LTBP3: variants seen among roughly 807,000 people sequenced by gnomAD.
LTBP3 encodes latent transforming growth factor beta binding protein 3.
Under a neutral mutation model 159.7 loss-of-function variants are expected in LTBP3, and 97 were observed. That is an observed-to-expected ratio of 0.61 (90% CI 0.52 to 0.72). LTBP3 has a LOEUF of 0.72. Ranked by LOEUF, LTBP3 falls within the 30% of genes least tolerant of loss-of-function variation. LTBP3 has a pLI of 0.00. For missense variants in LTBP3, 1,584 were observed against 1,864.3 expected, an observed-to-expected ratio of 0.85 and a Z score of 2.77; for synonymous variants, 824 against 777.1, an observed-to-expected ratio of 1.06 and a Z score of -1.00.
chr11:65,547,579 G>C lies in LTBP3; in HGVS notation c.1979-12C>G, dbSNP rs200555150. ...GCATTCGTTCAGGTCTGTGCGGGAG[G>C]AAGGGGCCACGAAGGGGGTGTAGGA... On this transcript the variant is annotated splice_polypyrimidine_tract_variant and intron_variant, in intron 13 of 27. Coordinates refer to ENST00000301873, the MANE Select transcript of LTBP3 (RefSeq NM_001130144.3). The surrounding 1 kb of genome is among the most constrained non-coding windows in gnomAD (Gnocchi z 4.6). 162 of 1,613,404 alleles carry C rather than the reference G, an allele frequency of 1.0e-4. No homozygotes were observed. Among genetic ancestry groups the C allele is most frequent in the Non-Finnish European group, 1.3e-4 (154 of 1,179,554 alleles).
At chr11:65,556,140 T>C (rs2135164267) in intron 1 of LTBP3, among the ~76,000 whole-genome samples, 1 of 152,240 alleles carries the variant, frequency 6.6e-6, no homozygotes, top group Non-Finnish European at 1.5e-5. Context: ...CCAGGGAGCC[T>C]GGGAGATGGA....
rs766361505 is a variant in LTBP3, at chr11:65,552,808, T to G, written c.1186+52A>C. On this transcript the variant is annotated intron_variant, in intron 6 of 27. Transcript: ENST00000301873. The surrounding 1 kb of genome is among the most constrained non-coding windows in gnomAD (Gnocchi z 6.0). ...CTGATCTCTTGCGATCTCTGATCCTTGCTCCCACCCATGCCTTGTGACCTC... is the reference window on the plus strand; with the variant it reads ...CTGATCTCTTGCGATCTCTGATCCTGGCTCCCACCCATGCCTTGTGACCTC... 6.2e-7 allele frequency: 1 copy of G among 1,613,696 alleles called. No individual in the cohort carries two copies. The highest frequency in any genetic ancestry group is 8.5e-7 in the Non-Finnish European group (1 of 1,179,764).
chr11:65,540,216 C>T, intron 23 of LTBP3, 29 bp downstream of exon 23: 1 of 1,546,990 alleles, frequency 6.5e-7, no homozygotes, highest in Non-Finnish European at 8.7e-7. Flanking sequence ...GCCCCTCCCG[C>T]GTACCCCACT....
Position 65,554,203 on chromosome 11 carries a change from G to C in LTBP3, c.509C>G (p.Pro170Arg). Residue 170 changes from proline (P) to arginine (R), a missense_variant, in exon 2 of 28, where the codon CCG (proline) becomes CGG (arginine). This residue lies in a region of LTBP3 where 194 missense variants were observed against 198.7 expected (regional missense o/e 0.98). Coordinates refer to ENST00000301873, the MANE Select transcript of LTBP3 (RefSeq NM_001130144.3). This position sits in a 1 kb window ranked among gnomAD's most constrained non-coding sequence, Gnocchi z 5.3. ...AGAGTCGCCCTCCGGAGCCAGGGGC[G>C]GCAGCGCCCCTGTGGACAGGGCCCC... Reference protein sequence around the residue: ...RTGALSTGALPPLAPEGDSVA... With the variant: ...RTGALSTGALRPLAPEGDSVA... 6.2e-7 allele frequency: 1 copy of C among 1,610,966 alleles called. No individual in the cohort carries two copies.
At position 65,546,956 on chromosome 11, in the gene LTBP3, G is replaced by A; in HGVS notation, c.2108-36C>T. 6.2e-7 allele frequency: 1 copy of A among 1,606,218 alleles called. No homozygotes were observed. ...GGGAGAAGGAAGAGGACCCATCTGG[G>A]GACAACGCGGGTGGCCCGGCTCCCA... On this transcript the variant is annotated intron_variant, in intron 14 of 27. Transcript: ENST00000301873. This position sits in a 1 kb window ranked among gnomAD's most constrained non-coding sequence, Gnocchi z 4.0.
intron 24 of LTBP3, 53 bp from the exon 25 acceptor site, chr11:65,539,934 C>T: frequency 5.4e-6 from 8 of 1,473,622 alleles, no homozygotes; most frequent in Non-Finnish European, 7.2e-6. Context: ...AACCGCCCGC[C>T]TCCGCCCCAC....
At chr11:65,541,826 T>G (rs1856150467) in intron 18 of LTBP3, 98 bp from the exon 19 acceptor site, 1 of 1,457,844 alleles carries the variant, frequency 6.9e-7, no homozygotes. Flanking sequence ...AATTTCCACT[T>G]TGGTTTCAAA....
chr11:65,551,625 G>T, intron 8 of LTBP3, 61 bp from the exon 9 acceptor site: 1 of 1,604,126 alleles, frequency 6.2e-7, no homozygotes, highest in Non-Finnish European at 8.5e-7. Context: ...TCAGATCTGG[G>T]ATCAGCAGCT....
rs770465558 is a variant in LTBP3, at chr11:65,553,713, C to T, written c.852G>A (p.Leu284=). 3.2e-6 allele frequency: 5 copies of T among 1,577,746 alleles called. No homozygotes were observed. Among genetic ancestry groups the T allele is most frequent in the South Asian group, 2.3e-5 (2 of 87,870 alleles). Residue 284 remains leucine (L), a synonymous_variant, in exon 3 of 28, where the codon CTG becomes CTA. Coordinates refer to ENST00000301873, the MANE Select transcript of LTBP3 (RefSeq NM_001130144.3). This position sits in a 1 kb window ranked among gnomAD's most constrained non-coding sequence, Gnocchi z 6.5. ...KPLGRCFQDT[L]PKQPCGSNPL... is the part of the protein sequence containing the mutation. The stretch of plus-strand genomic sequence containing the variant: ...TGGATTCACTCACCGGCTGCTTGGG[C>T]AGAGTGTCCTGAAAGCAGCGGCCCA...
At position 65,538,695 on chromosome 11, in the gene LTBP3, C is replaced by CTATT; in HGVS notation, c.*381_*384dup. The CTATT allele has an allele frequency of 8.3e-7, 1 of 1,208,862 alleles. No individual in the cohort carries two copies. Among genetic ancestry groups the CTATT allele is most frequent in the Non-Finnish European group, 1.1e-6 (1 of 887,100 alleles). 74.9% of individuals were successfully genotyped at this position (1,208,862 alleles called of 1,614,324 possible). ...TACATAATCAGAGCCACAATAAATT[C>CTATT]TATTTCACACCCCTTGTGCCGGGCT... On this transcript the variant is annotated 3_prime_UTR_variant, in exon 28 of 28. Coordinates refer to ENST00000301873, the MANE Select transcript of LTBP3 (RefSeq NM_001130144.3).
chr11:65,548,854 C>T (rs1248708209), intron 11 of LTBP3: 1 of 152,266 alleles, frequency 6.6e-6, no homozygotes, highest in Non-Finnish European at 1.5e-5. Flanking sequence ...TTTGAGGGGC[C>T]TTGTCCACAT....
In LTBP3 at chr11:65,554,586, G is replaced by C. The variant is rs1044997763; in HGVS notation, c.332-206C>G. ...TCTCAAGTCCAGGATTTAAATCCTCGCTAAGCCATGTGCCAGCTGTGCGAC... is the reference window on the plus strand; with the variant it reads ...TCTCAAGTCCAGGATTTAAATCCTCCCTAAGCCATGTGCCAGCTGTGCGAC... On this transcript the variant is annotated intron_variant, in intron 1 of 27. Transcript: ENST00000301873. This position sits in a 1 kb window ranked among gnomAD's most constrained non-coding sequence, Gnocchi z 5.3. Among the ~76,000 whole-genome samples the C allele has an allele frequency of 6.6e-6, 1 of 151,938 alleles. No homozygotes were observed. Among genetic ancestry groups the C allele is most frequent in the Non-Finnish European group, 1.5e-5 (1 of 67,960 alleles).
In LTBP3 at chr11:65,546,614, C is replaced by A; in HGVS notation, c.2231-50G>T. The A allele has an allele frequency of 6.3e-7, 1 of 1,596,416 alleles. No individual in the cohort carries two copies. Among genetic ancestry groups the A allele is most frequent in the Non-Finnish European group, 8.5e-7 (1 of 1,178,880 alleles). ...GACTCTGCCCCACCGGAAGGCGGAC[C>A]GCGCACCTCGCGGGGGTGTGGGTCT... On this transcript the variant is annotated intron_variant, in intron 15 of 27. Coordinates refer to ENST00000301873, the MANE Select transcript of LTBP3 (RefSeq NM_001130144.3). The surrounding 1 kb of genome is among the most constrained non-coding windows in gnomAD (Gnocchi z 4.0).
chr11:65,547,697 C>A lies in LTBP3; in HGVS notation c.1971G>T (p.Ser657=). 6.2e-7 allele frequency: 1 copy of A among 1,605,448 alleles called. No individual in the cohort carries two copies. The highest frequency in any genetic ancestry group is 8.5e-7 in the Non-Finnish European group (1 of 1,177,702). ...YRLHVGAGGR[S]CVDLNECAKP... is the part of the protein sequence containing the mutation. ...CGCCCTGGCGGCGCTCACCCACGCA[C>A]GAGCGCCCCCCGGCGCCCACGTGCA... Residue 657 remains serine (S), a synonymous_variant, in exon 13 of 28, where the codon TCG becomes TCT. Transcript: ENST00000301873. The surrounding 1 kb of genome is among the most constrained non-coding windows in gnomAD (Gnocchi z 4.6).
Position 65,553,087 on chromosome 11 carries a change from C to T in LTBP3, c.1063+77G>A. ...GCCCCAGCCCCACCTCCTCTCTCGCCCACCTTGGGACCCTCCCCACCCCCA... is the reference window on the plus strand; with the variant it reads ...GCCCCAGCCCCACCTCCTCTCTCGCTCACCTTGGGACCCTCCCCACCCCCA... On this transcript the variant is annotated intron_variant, in intron 5 of 27. Transcript: ENST00000301873. This position sits in a 1 kb window ranked among gnomAD's most constrained non-coding sequence, Gnocchi z 6.5. 6.2e-7 allele frequency: 1 copy of T among 1,606,636 alleles called. No individual in the cohort carries two copies. Among genetic ancestry groups the T allele is most frequent in the South Asian group, 1.1e-5 (1 of 90,912 alleles).
In LTBP3 at chr11:65,538,927, G is replaced by A. The variant is rs1246006015; in HGVS notation, c.*153C>T. 8.5e-6 allele frequency: 11 copies of A among 1,290,092 alleles called. No homozygotes were observed. The highest frequency in any genetic ancestry group is 9.9e-6 in the Non-Finnish European group (10 of 1,011,516). The allele number at this position is 1,290,092 out of a possible 1,614,324, so 79.9% of individuals were successfully genotyped here. A position where few individuals can be genotyped will look rare whatever the true frequency, so the allele number is the denominator to read the frequency against. Reference sequence around the variant, plus strand: ...CGCCCGCTAACCGGGGAGGGGGGCCGGTAGGGGCGCCTCGGGTCTCAAGGC... The same window carrying A: ...CGCCCGCTAACCGGGGAGGGGGGCCAGTAGGGGCGCCTCGGGTCTCAAGGC... On this transcript the variant is annotated 3_prime_UTR_variant, in exon 28 of 28. Coordinates refer to ENST00000301873, the MANE Select transcript of LTBP3 (RefSeq NM_001130144.3).
rs372702317 is a variant in LTBP3, at chr11:65,546,811, G to A, written c.2217C>T (p.Gly739=). Residue 739 remains glycine (G), a synonymous_variant, in exon 15 of 28, where the codon GGC becomes GGT. Coordinates refer to ENST00000301873, the MANE Select transcript of LTBP3 (RefSeq NM_001130144.3). This position sits in a 1 kb window ranked among gnomAD's most constrained non-coding sequence, Gnocchi z 4.0. ...ACQPGYRSQG[G]GACRDVNECA... ...CCCCGCCCTCACCGCGACAGGCCCC[G>A]CCCCCCTGGCTGCGGTAGCCAGGCT... 3.9e-6 allele frequency: 6 copies of A among 1,537,782 alleles called. No individual in the cohort carries two copies. The African/African-American group carries it at 5.6e-5, about 14-fold the overall frequency.
chr11:65,547,458 G>C lies in LTBP3; in HGVS notation c.2088C>G (p.Ser696=). 1 of 1,614,018 alleles carries C rather than the reference G, an allele frequency of 6.2e-7. No individual in the cohort carries two copies. Residue 696 remains serine, a synonymous_variant, in exon 14 of 28, where the codon TCC becomes TCG. Transcript: ENST00000301873. This position sits in a 1 kb window ranked among gnomAD's most constrained non-coding sequence, Gnocchi z 4.6. ...CCTCACCTTCGCACACAGGAGGCCG[G>C]GAGGCTTTGAGCCGGTAGCCGGGGT... The part of the protein sequence containing the change: ...NCYPGYRLKA[S]RPPVCEDIDE...
chr11:65,542,728 T>G, intron 18 of LTBP3: 1 of 325,228 alleles, frequency 3.1e-6, no homozygotes, highest in Non-Finnish European at 6.0e-6. Context: ...GATGAATGCA[T>G]GTGTATGGGT....
Sources: gnomAD v4.1 joint callset for allele counts (sites outside exome capture counted in the v4.1 genomes callset) on GRCh38, gnomAD v4.1.1 for gene constraint, gnomAD v4.1.1 regional missense constraint, Gnocchi (gnomAD v3.1) non-coding constraint, MANE v1.5 for transcripts, NCBI Gene and HGNC (gene_info 2026-07-23, HGNC 2026-07-21) for gene names.